Variants in MEIS2 observed in about 807,000 individuals in gnomAD.
MEIS2 encodes homeobox protein Meis2.
MEIS2 carries 9 observed loss-of-function variants against 58.6 expected under a neutral mutation model. The ratio of observed to expected loss-of-function variants is 0.15; its 90% CI spans 0.09 to 0.27. The LOEUF is 0.27. Ranked by LOEUF, MEIS2 falls within the 10% of genes least tolerant of loss-of-function variation. The probability of loss-of-function intolerance (pLI) is 1.00; values close to 1 mark genes in which losing one functional copy is unlikely to be tolerated. For missense variants in MEIS2, 427 were observed against 635.0 expected, an observed-to-expected ratio of 0.67 and a Z score of 3.52; for synonymous variants, 221 against 228.4, an observed-to-expected ratio of 0.97 and a Z score of 0.29.
intron 8 of MEIS2, among the ~76,000 whole-genome samples, chr15:36,958,632 A>T (rs115176700): frequency 0.012 from 1,879 of 152,336 alleles, 45 homozygotes; most frequent in African/African-American, 0.043. Context: ...TTATTTTCCT[A>T]TTGACTGAGA....
chr15:36,926,490 A>G (rs886918044), intron 9 of MEIS2, among the ~76,000 whole-genome samples: 2 of 152,202 alleles, frequency 1.3e-5, no homozygotes, highest in Non-Finnish European at 2.9e-5. Flanking sequence ...TAAAGCAAAA[A>G]TCTTCAGCAG....
intron 8 of MEIS2, among the ~76,000 whole-genome samples, chr15:37,032,458 T>C (rs1411086736): frequency 1.3e-5 from 2 of 152,204 alleles, no homozygotes; most frequent in African/African-American, 4.8e-5. Context: ...ACAGTTGTAA[T>C]GGCAGGCTTA....
intron 8 of MEIS2, among the ~76,000 whole-genome samples, chr15:36,966,093 C>T (rs1056999592): frequency 6.6e-6 from 1 of 152,128 alleles, no homozygotes; most frequent in East Asian, 1.9e-4. Context: ...AGTTCCTAGG[C>T]TATCCAAGTG....
At chr15:37,053,261 A>T (rs2141816496) in intron 7 of MEIS2, among the ~76,000 whole-genome samples, 1 of 152,358 alleles carries the variant, frequency 6.6e-6, no homozygotes. Flanking sequence ...GATCTTGATC[A>T]CACTAGGCTA....
At chr15:36,908,418 G>T (rs182007840) in intron 9 of MEIS2, among the ~76,000 whole-genome samples, 2 of 152,112 alleles carry the variant, frequency 1.3e-5, no homozygotes, top group South Asian at 4.2e-4. Flanking sequence ...TTTTCCCCCC[G>T]ATTTGTGAGA....
chr15:37,048,381 A>G (rs1413384058), intron 7 of MEIS2, among the ~76,000 whole-genome samples: 1 of 152,130 alleles, frequency 6.6e-6, no homozygotes, highest in East Asian at 1.9e-4. Context: ...ACAAAAAAGC[A>G]AAGTTCTATC....
intron 8 of MEIS2, among the ~76,000 whole-genome samples, chr15:37,016,528 C>G (rs532828633): frequency 1.3e-5 from 2 of 151,952 alleles, no homozygotes; most frequent in Admixed American, 6.6e-5. Flanking sequence ...TCCAGCAGCT[C>G]GAAAAGGGAT....
intron 5 of MEIS2, 68 bp from the exon 6 acceptor site, chr15:37,093,798 G>A (rs1243074179): frequency 1.3e-6 from 2 of 1,595,622 alleles, no homozygotes; most frequent in Non-Finnish European, 1.7e-6. Flanking sequence ...TTCATTTTTA[G>A]AAAGGAAAAA....
At chr15:36,986,636 T>C (rs956189400) in intron 8 of MEIS2, among the ~76,000 whole-genome samples, 1 of 152,168 alleles carries the variant, frequency 6.6e-6, no homozygotes, top group African/African-American at 2.4e-5. Context: ...ATCCCAGCAC[T>C]AGCTGGGTGG....
chr15:37,020,687 T>C (rs2141672410), intron 8 of MEIS2, among the ~76,000 whole-genome samples: 1 of 151,944 alleles, frequency 6.6e-6, no homozygotes, highest in Non-Finnish European at 1.5e-5. Context: ...TTTTTTTTTT[T>C]TTAATCTCAC....
intron 8 of MEIS2, among the ~76,000 whole-genome samples, chr15:36,974,354 C>T (rs2059669410): frequency 1.3e-5 from 2 of 152,170 alleles, no homozygotes; most frequent in Non-Finnish European, 1.5e-5. Context: ...CCATTAAGTC[C>T]ACTGATTTCA....
At chr15:36,980,262 A>G (rs2059889638) in intron 8 of MEIS2, among the ~76,000 whole-genome samples, 1 of 152,252 alleles carries the variant, frequency 6.6e-6, no homozygotes, top group East Asian at 1.9e-4. Flanking sequence ...TAATAGTTAT[A>G]TATATCTGTG....
intron 7 of MEIS2, among the ~76,000 whole-genome samples, chr15:37,041,928 G>A (rs2062439414): frequency 6.6e-6 from 1 of 152,148 alleles, no homozygotes; most frequent in Non-Finnish European, 1.5e-5. Context: ...TGTAATCCCA[G>A]CACTTTGAGA....
intron 8 of MEIS2, among the ~76,000 whole-genome samples, chr15:37,003,614 TG>T (rs1355616423): frequency 1.3e-5 from 2 of 152,312 alleles, no homozygotes; most frequent in East Asian, 3.9e-4. Flanking sequence ...TCCTGACTTT[TG>T]AAATCTTCTT....
chr15:36,919,113 T>C (rs567364115), intron 9 of MEIS2, among the ~76,000 whole-genome samples: 37 of 152,014 alleles, frequency 2.4e-4, no homozygotes, highest in Admixed American at 8.5e-4. Flanking sequence ...CCTAGGAGTT[T>C]GAGGCTGCAG....
chr15:37,094,768 T>C (rs746892356), intron 4 of MEIS2, among the ~76,000 whole-genome samples, 191 bp from the exon 5 acceptor site: 9 of 151,984 alleles, frequency 5.9e-5, no homozygotes, highest in African/African-American at 2.2e-4. Context: ...CTCTGCCTCA[T>C]TGGCCACGGG....
intron 9 of MEIS2, among the ~76,000 whole-genome samples, chr15:36,936,266 C>T (rs2058169440): frequency 1.0e-5 from 1 of 99,966 alleles, no homozygotes; most frequent in Admixed American, 8.9e-5. Context: ...GCGATCTCGG[C>T]TCACTGCAAG....
intron 8 of MEIS2, among the ~76,000 whole-genome samples, chr15:36,971,500 A>C (rs1392296856): frequency 1.5e-5 from 2 of 132,630 alleles, no homozygotes; most frequent in African/African-American, 5.8e-5. Context: ...TTCTGGGGCC[A>C]AATTCAGCCC....
At chr15:36,916,810 G>T (rs1488679857) in intron 9 of MEIS2, among the ~76,000 whole-genome samples, 1 of 152,072 alleles carries the variant, frequency 6.6e-6, no homozygotes, top group Non-Finnish European at 1.5e-5. Flanking sequence ...AACATTTATT[G>T]AGCTAGACAC....
Sources: gnomAD v4.1 joint callset for allele counts (sites outside exome capture counted in the v4.1 genomes callset) on GRCh38, gnomAD v4.1.1 for gene constraint, MANE v1.5 for transcripts, NCBI Gene and HGNC (gene_info 2026-07-23, HGNC 2026-07-21) for gene names.